Variants in CPNE4 observed in about 807,000 individuals in gnomAD.
CPNE4 encodes copine-4.
A neutral mutation model predicts 67.9 loss-of-function variants in CPNE4; 25 were observed. The observed-to-expected ratio is 0.37, with a 90% CI of 0.27 to 0.51. The LOEUF is 0.51. Ranked by LOEUF, CPNE4 falls within the 20% of genes least tolerant of loss-of-function variation. The pLI is 0.93. For synonymous variants in CPNE4, 242 were observed against 244.9 expected (o/e 0.99, Z 0.11); for missense variants, 464 against 690.8 (o/e 0.67, Z 3.68).
At chr3:131,921,861 T>C (rs962359513) in intron 1 of CPNE4, among the ~76,000 whole-genome samples, 8 of 152,226 alleles carry the variant, frequency 5.3e-5, no homozygotes, top group African/African-American at 1.2e-4. Flanking sequence ...AAGATAGACA[T>C]GCTTTGGTCC....
intron 1 of CPNE4, among the ~76,000 whole-genome samples, chr3:132,003,135 T>A (rs1367858113): frequency 1.3e-5 from 2 of 152,152 alleles, no homozygotes; most frequent in African/African-American, 4.8e-5. Context: ...GCTTGTTTGC[T>A]CATCATTGGC....
chr3:131,787,932 G>C (rs983318355), intron 2 of CPNE4, among the ~76,000 whole-genome samples: 8 of 152,076 alleles, frequency 5.3e-5, no homozygotes, highest in Non-Finnish European at 8.8e-5. Flanking sequence ...AAAAAGGACT[G>C]TCCAATATAT....
chr3:131,844,622 T>G (rs796099661), intron 2 of CPNE4, among the ~76,000 whole-genome samples: 1 of 152,200 alleles, frequency 6.6e-6, no homozygotes, highest in Admixed American at 6.5e-5. Context: ...CACCAGACTG[T>G]GAGCTCCTTG....
chr3:131,938,633 A>G (rs762866552), intron 1 of CPNE4, among the ~76,000 whole-genome samples: 1 of 152,038 alleles, frequency 6.6e-6, no homozygotes, highest in Non-Finnish European at 1.5e-5. Context: ...AGCAGGAGAG[A>G]GAGAGAAGGG....
chr3:131,608,195 A>G (rs369249694), intron 7 of CPNE4, among the ~76,000 whole-genome samples: 1 of 152,172 alleles, frequency 6.6e-6, no homozygotes, highest in African/African-American at 2.4e-5. Flanking sequence ...ATGGCAAGAC[A>G]CCGGTAATAT....
intron 2 of CPNE4, among the ~76,000 whole-genome samples, chr3:131,848,875 A>G (rs537795123): frequency 3.2e-4 from 46 of 144,340 alleles, no homozygotes; most frequent in Non-Finnish European, 6.5e-4. Context: ...TCTTCACTCC[A>G]TGTGCCCATA....
intron 1 of CPNE4, among the ~76,000 whole-genome samples, chr3:131,958,609 CTTTTTTTT>C (rs748126986): frequency 2.2e-4 from 21 of 96,000 alleles, no homozygotes; most frequent in African/African-American, 5.0e-4. Context: ...TCTTTCTTTT[CTTTTTTTT>C]TTTTTTTTTT....
intron 2 of CPNE4, among the ~76,000 whole-genome samples, chr3:131,824,838 C>A (rs1464881483): frequency 6.6e-6 from 1 of 151,944 alleles, no homozygotes; most frequent in Non-Finnish European, 1.5e-5. Flanking sequence ...GAGTGGACAG[C>A]AAATTGGGGA....
chr3:131,999,380 T>G (rs2073372665), intron 1 of CPNE4, among the ~76,000 whole-genome samples: 1 of 151,762 alleles, frequency 6.6e-6, no homozygotes, highest in African/African-American at 2.4e-5. Context: ...ATCTAGCAAT[T>G]CAAAGGAATA....
At chr3:131,545,215 T>C (rs1935758459) in intron 14 of CPNE4, among the ~76,000 whole-genome samples, 1 of 152,186 alleles carries the variant, frequency 6.6e-6, no homozygotes, top group African/African-American at 2.4e-5. Flanking sequence ...TCTTCATATG[T>C]CACAAAATAC....
chr3:131,978,161 A>T (rs1397281585), intron 1 of CPNE4, among the ~76,000 whole-genome samples: 1 of 76,256 alleles, frequency 1.3e-5, no homozygotes, highest in Non-Finnish European at 2.2e-5. Context: ...ATATATAAAT[A>T]TATATAAATA....
intron 2 of CPNE4, among the ~76,000 whole-genome samples, chr3:131,886,139 T>C (rs1272541483): frequency 2.6e-5 from 4 of 152,214 alleles, no homozygotes; most frequent in Non-Finnish European, 4.4e-5. Context: ...TTTCATGGGC[T>C]GGGCCCAGGG....
chr3:131,583,451 G>C (rs1262612962), intron 8 of CPNE4, among the ~76,000 whole-genome samples: 2 of 152,152 alleles, frequency 1.3e-5, no homozygotes, highest in Non-Finnish European at 2.9e-5. Context: ...CAGTTGGAAA[G>C]AAAAGACACT....
At chr3:131,768,858 T>C (rs940138261) in intron 2 of CPNE4, among the ~76,000 whole-genome samples, 19 of 152,226 alleles carry the variant, frequency 1.2e-4, no homozygotes, top group African/African-American at 4.6e-4. Flanking sequence ...CCTCCAACTC[T>C]CTTAAAGTGA....
intron 7 of CPNE4, among the ~76,000 whole-genome samples, chr3:131,665,478 G>A (rs1345398237): frequency 6.6e-6 from 1 of 152,056 alleles, no homozygotes; most frequent in East Asian, 1.9e-4. Flanking sequence ...GGCCAACATG[G>A]TGAAACCCTG....
chr3:131,615,893 A>T (rs187417835), intron 7 of CPNE4, among the ~76,000 whole-genome samples: 3,210 of 124,872 alleles, frequency 0.026, 63 homozygotes, highest in African/African-American at 0.058. Flanking sequence ...TCTCTCTCTC[A>T]CACACACACA....
rs78932780 is a variant in CPNE4 at position 131,955,089 on chromosome 3, G to GTT, written c.-1-49647_-1-49646dup. Among the ~76,000 whole-genome samples the GTT allele has an allele frequency of 7.7e-4, 114 of 148,556 alleles. 1 individual carries two copies. The highest frequency in any genetic ancestry group is 2.3e-3 in the African/African-American group (94 of 40,552). On this transcript the variant is annotated intron_variant, in intron 1 of 15. Transcript: ENST00000429747. Reference sequence around the variant, plus strand: ...CTGTAACCATATGGTTAAGTTCTGTGTTTTTTTTTTCTTTTTCTTCTGTTG... The same window carrying GTT: ...CTGTAACCATATGGTTAAGTTCTGTGTTTTTTTTTTTTCTTTTTCTTCTGTTG...
At chr3:131,542,272 A>C (rs546584208) in intron 15 of CPNE4, among the ~76,000 whole-genome samples, 9 of 152,268 alleles carry the variant, frequency 5.9e-5, no homozygotes, top group African/African-American at 2.2e-4. Context: ...GGCAAGCATC[A>C]GTGAAATTTT....
intron 15 of CPNE4, chr3:131,537,602 TG>T: frequency 3.3e-6 from 1 of 306,016 alleles, no homozygotes. Context: ...TGTACATTTC[TG>T]ATGAACATTT....
Sources: gnomAD v4.1 joint callset for allele counts (sites outside exome capture counted in the v4.1 genomes callset) on GRCh38, gnomAD v4.1.1 for gene constraint, MANE v1.5 for transcripts, NCBI Gene and HGNC (gene_info 2026-07-23, HGNC 2026-07-21) for gene names.